MPP4: variants seen among roughly 807,000 people sequenced by gnomAD.
The protein encoded by MPP4 is MAGUK p55 subfamily member 4.
Under a neutral mutation model 98.3 loss-of-function variants are expected in MPP4, and 91 were observed. That is an observed-to-expected ratio of 0.93 (90% CI 0.78 to 1.10). MPP4 has a LOEUF of 1.10. Among genes scored for constraint, MPP4 ranks in the 50% least tolerant of loss-of-function variants. The pLI is 0.00. For missense variants in MPP4, 744 were observed against 792.9 expected (o/e 0.94, Z 0.74); for synonymous variants, 261 against 271.8 (o/e 0.96, Z 0.39).
rs886947041 is a variant in MPP4 at position 201,683,358 on chromosome 2, G to A, written c.575-442C>T. Among the ~76,000 whole-genome samples, 64 of 152,314 alleles carry A rather than the reference G, an allele frequency of 4.2e-4. 1 individual carries two copies. Among genetic ancestry groups the A allele is most frequent in the African/African-American group, 1.4e-3 (59 of 41,560 alleles). Reference sequence around the variant, plus strand: ...AACAGTGGAGTTGTCAGATAGTTGAGAGAAGAAGTGGAATGGTGTTATAGA... The same window carrying A: ...AACAGTGGAGTTGTCAGATAGTTGAAAGAAGAAGTGGAATGGTGTTATAGA... On this transcript the variant is annotated intron_variant, in intron 7 of 21. Coordinates refer to ENST00000409474, the MANE Select transcript of MPP4 (RefSeq NM_033066.3).
chr2:201,696,018 G>C (rs1689170488), intron 1 of MPP4, among the ~76,000 whole-genome samples: 1 of 152,198 alleles, frequency 6.6e-6, no homozygotes, highest in Non-Finnish European at 1.5e-5. Context: ...CTGATTGTGG[G>C]TTGAAGCCAG....
intron 20 of MPP4, among the ~76,000 whole-genome samples, chr2:201,649,011 C>T (rs1687644763): frequency 6.6e-6 from 1 of 152,094 alleles, no homozygotes; most frequent in African/African-American, 2.4e-5. Flanking sequence ...TTGCAGTGAG[C>T]GGAGATCATG....
rs777229717 is a variant in MPP4 at position 201,645,202 on chromosome 2, A to G, written c.*8T>C. The G allele has an allele frequency of 5.0e-6, 8 of 1,605,266 alleles. No individual in the cohort carries two copies. In the African/African-American group the frequency reaches 1.1e-4, roughly 22 times the overall value. Reference sequence around the variant, plus strand: ...CAGTGTTAAAACTCCAGCATTAAACAAGAAGTCTCATTGAGACTCAGTATC... The same window carrying G: ...CAGTGTTAAAACTCCAGCATTAAACGAGAAGTCTCATTGAGACTCAGTATC... On this transcript the variant is annotated 3_prime_UTR_variant, in exon 22 of 22. Transcript: ENST00000409474.
intron 15 of MPP4, among the ~76,000 whole-genome samples, chr2:201,659,727 G>T (rs1344835305): frequency 6.6e-6 from 1 of 152,186 alleles, no homozygotes; most frequent in Non-Finnish European, 1.5e-5. Flanking sequence ...CCAGCTACTT[G>T]GGAGGCTGAG....
intron 4 of MPP4, among the ~76,000 whole-genome samples, chr2:201,689,150 A>C (rs895030413): frequency 1.3e-5 from 2 of 152,048 alleles, no homozygotes; most frequent in African/African-American, 2.4e-5. Context: ...CAAAATGGTG[A>C]AACCCCGTCT....
intron 16 of MPP4, among the ~76,000 whole-genome samples, chr2:201,657,029 G>A (rs1185901029): frequency 6.6e-6 from 1 of 152,204 alleles, no homozygotes; most frequent in Non-Finnish European, 1.5e-5. Flanking sequence ...GTGGAAGTGT[G>A]ATGGGAAGCT....
chr2:201,667,271 G>A (rs1481017515), intron 12 of MPP4, among the ~76,000 whole-genome samples: 1 of 152,166 alleles, frequency 6.6e-6, no homozygotes, highest in African/African-American at 2.4e-5. Context: ...CCATTAGAGT[G>A]GACATCACAG....
intron 18 of MPP4, chr2:201,651,498 T>C: frequency 1.0e-6 from 1 of 985,438 alleles, no homozygotes; most frequent in Non-Finnish European, 1.2e-6. Context: ...AGTCTGTGAA[T>C]TGATGTATAA....
intron 18 of MPP4, among the ~76,000 whole-genome samples, chr2:201,653,533 C>T (rs925881850): frequency 8.5e-5 from 13 of 152,168 alleles, no homozygotes; most frequent in African/African-American, 2.9e-4. Flanking sequence ...TCACATTCCT[C>T]GTTACAGATG....
chr2:201,658,661 G>A (rs576761506), intron 15 of MPP4, 143 bp from the exon 16 acceptor site: 8 of 645,392 alleles, frequency 1.2e-5, no homozygotes, highest in South Asian at 6.3e-5. Flanking sequence ...GTGGCTCACC[G>A]AATGTTCTAA....
chr2:201,678,024 C>T (rs1688560022), intron 10 of MPP4, among the ~76,000 whole-genome samples: 1 of 152,146 alleles, frequency 6.6e-6, no homozygotes, highest in Admixed American at 6.5e-5. Context: ...ATTATTCTGT[C>T]CCCAACAAGA....
At chr2:201,681,463 G>T (rs1437031167) in intron 9 of MPP4, 33 bp downstream of exon 9, 2 of 1,532,098 alleles carry the variant, frequency 1.3e-6, no homozygotes, top group Admixed American at 1.7e-5. Context: ...GGGATTTACT[G>T]TGTGTGAGAT....
intron 4 of MPP4, 39 bp downstream of exon 4, chr2:201,690,163 A>C (rs1269988958): frequency 7.0e-7 from 1 of 1,434,476 alleles, no homozygotes; most frequent in Non-Finnish European, 9.6e-7. Flanking sequence ...ATGGCACCAC[A>C]TCAGAGCTCT....
intron 1 of MPP4, among the ~76,000 whole-genome samples, chr2:201,695,782 C>A (rs1046089223): frequency 1.3e-5 from 2 of 152,170 alleles, no homozygotes; most frequent in African/African-American, 4.8e-5. Flanking sequence ...AACATGTATA[C>A]CTTCGGATAG....
intron 1 of MPP4, among the ~76,000 whole-genome samples, chr2:201,697,358 G>A (rs541249339): frequency 6.6e-6 from 1 of 152,212 alleles, no homozygotes. Flanking sequence ...TAAGAAAACA[G>A]TTGCAACTTC....
At position 201,675,356 on chromosome 2, in the gene MPP4, C is replaced by A. The variant is rs1189595332; in HGVS notation, c.930-85G>T. On this transcript the variant is annotated intron_variant, in intron 10 of 21. Transcript: ENST00000409474. ...AGATGAAACAGACCCAGAGCAACGA[C>A]AAACAGAATGTTTCTTAGAATTCTG... 3.1e-6 allele frequency: 4 copies of A among 1,311,466 alleles called. No individual in the cohort carries two copies. In the African/African-American group the frequency reaches 5.9e-5, roughly 19 times the overall value. 81.2% of individuals were successfully genotyped at this position (1,311,466 alleles called of 1,614,324 possible).
chr2:201,666,835 T>C (rs558408512), intron 12 of MPP4: 1 of 152,356 alleles, frequency 6.6e-6, no homozygotes, highest in Non-Finnish European at 1.5e-5. Flanking sequence ...TAAAACTCAG[T>C]CCACCTTATG....
intron 3 of MPP4, 55 bp from the exon 4 acceptor site, chr2:201,690,334 T>C: frequency 8.0e-7 from 1 of 1,247,812 alleles, no homozygotes; most frequent in Non-Finnish European, 1.1e-6. Flanking sequence ...TATTGCCATT[T>C]TGGATTTAAG....
intron 20 of MPP4, 21 bp from the exon 21 acceptor site, chr2:201,647,846 C>T (rs543589972): frequency 6.3e-7 from 1 of 1,587,334 alleles, no homozygotes; most frequent in African/African-American, 1.3e-5. Context: ...AATTTAAATG[C>T]ACATTTATTT....
Sources: gnomAD v4.1 joint callset for allele counts (sites outside exome capture counted in the v4.1 genomes callset) on GRCh38, gnomAD v4.1.1 for gene constraint, MANE v1.5 for transcripts, NCBI Gene and HGNC (gene_info 2026-07-23, HGNC 2026-07-21) for gene names.